PDE1C: variants seen among roughly 807,000 people sequenced by gnomAD.
PDE1C encodes dual specificity calcium/calmodulin-dependent 3',5'-cyclic nucleotide phosphodiesterase 1C.
PDE1C carries 62 observed loss-of-function variants against 93.1 expected under a neutral mutation model. That is an observed-to-expected ratio of 0.67 (90% confidence interval 0.54 to 0.82). PDE1C has a LOEUF of 0.82. Among genes scored for constraint, PDE1C ranks in the 40% least tolerant of loss-of-function variants. The pLI, the probability that PDE1C is intolerant of heterozygous loss-of-function variation, is 0.00. For synonymous variants in PDE1C, 325 were observed against 310.1 expected (o/e 1.05, Z -0.50); for missense variants, 742 against 884.6 (o/e 0.84, Z 2.04).
intron 6 of PDE1C, among the ~76,000 whole-genome samples, chr7:31,865,711 A>G (rs1795210233): frequency 6.6e-6 from 1 of 152,050 alleles, no homozygotes; most frequent in Admixed American, 6.5e-5. Context: ...AGACTATCGC[A>G]TTTTGGTTTT....
chr7:31,949,701 T>C (rs6970471), intron 2 of PDE1C, among the ~76,000 whole-genome samples: 25,257 of 152,108 alleles, frequency 0.17, 3,665 homozygotes, highest in African/African-American at 0.4. Context: ...TGAGAGCTTT[T>C]GAATGTTTTA....
chr7:32,008,182 G>C (rs1786533679), intron 2 of PDE1C, among the ~76,000 whole-genome samples: 1 of 152,106 alleles, frequency 6.6e-6, no homozygotes, highest in African/African-American at 2.4e-5. Context: ...GGATGATCTA[G>C]TGGCATTTGC....
chr7:31,920,453 G>C (rs1043976844), intron 2 of PDE1C, among the ~76,000 whole-genome samples: 1 of 152,132 alleles, frequency 6.6e-6, no homozygotes, highest in African/African-American at 2.4e-5. Context: ...GCTCTTCATG[G>C]GGTGAGGTTG....
At chr7:32,412,182 C>T (rs183830352) in intron 1 of PDE1C, among the ~76,000 whole-genome samples, 198 of 152,192 alleles carry the variant, frequency 1.3e-3, no homozygotes, top group African/African-American at 4.6e-3. Context: ...CGGCTGGGCG[C>T]GGTGGCTCAT....
chr7:31,906,479 C>G (rs1482560522), intron 2 of PDE1C, among the ~76,000 whole-genome samples: 1 of 144,802 alleles, frequency 6.9e-6, no homozygotes, highest in Non-Finnish European at 1.5e-5. Flanking sequence ...GGTACATTTC[C>G]TTTGGGTTGG....
Position 32,237,551 on chromosome 7 carries a change from AT to A in PDE1C, c.86-28013del, listed in dbSNP as rs1808199278. Reference sequence around the variant, plus strand: ...AAACTTACTGAACTGTATGCCAAAAATAATTCTACATTAATTTAAAAAATAA... The same window carrying A: ...AAACTTACTGAACTGTATGCCAAAAAAATTCTACATTAATTTAAAAAATAA... On this transcript the variant is annotated intron_variant, in intron 1 of 18. Coordinates refer to the PDE1C transcript ENST00000396193. Among the ~76,000 whole-genome samples, 5 of 151,672 alleles carry A rather than the reference AT, an allele frequency of 3.3e-5. 1 individual carries two copies. The Middle Eastern group carries it at 0.017, about 516-fold the overall frequency.
At chr7:31,665,152 T>G in the PDE1C span, among the ~76,000 whole-genome samples, 4 of 152,202 alleles carry the variant, frequency 2.6e-5, no homozygotes, top group Non-Finnish European at 5.9e-5. Flanking sequence ...TTAAAGCTCA[T>G]TCTCCTGCCA....
rs1562659952 is a variant in PDE1C at position 32,297,983 on chromosome 7, CTCTCTCTCTCTCTCCT to C, written c.85+652_85+667del. 6.0e-5 allele frequency among the ~76,000 whole-genome samples: 4 copies of C among 66,408 alleles called. No individual in the cohort carries two copies. The East Asian group carries it at 3.5e-3, about 58-fold the overall frequency. The allele number at this position is 66,408 out of a possible 152,430, so 43.6% of individuals were successfully genotyped here. On this transcript the variant is annotated intron_variant, in intron 1 of 18. Coordinates refer to the PDE1C transcript ENST00000396193. ...TCTCTCTCTCTCTCTCTCTCTCTCT[CTCTCTCTCTCTCTCCT>C]CTCTCTCTCTCTCTCTCCCTCTCTC...
At chr7:32,010,792 C>T (rs1221268404) in intron 2 of PDE1C, among the ~76,000 whole-genome samples, 1 of 152,190 alleles carries the variant, frequency 6.6e-6, no homozygotes, top group Non-Finnish European at 1.5e-5. Flanking sequence ...TCACATCAGT[C>T]TTCCCTCTGC....
At chr7:32,190,159 T>G (rs1804140358) in intron 2 of PDE1C, among the ~76,000 whole-genome samples, 1 of 152,232 alleles carries the variant, frequency 6.6e-6, no homozygotes, top group African/African-American at 2.4e-5. Context: ...ATTAGGCAAT[T>G]ATTTCATGGG....
intron 2 of PDE1C, among the ~76,000 whole-genome samples, chr7:32,193,916 GTTTTT>G: frequency 8.7e-6 from 1 of 115,266 alleles, no homozygotes; most frequent in African/African-American, 3.4e-5. Flanking sequence ...GTTTTGTTTT[GTTTTT>G]TTTTTTTTTT....
At chr7:31,873,253 T>C (rs1201912627) in intron 6 of PDE1C, 39 bp downstream of exon 6, 3 of 1,174,506 alleles carry the variant, frequency 2.6e-6, no homozygotes, top group Admixed American at 3.6e-5. Context: ...AACATATGCA[T>C]GTAGTTTATT....
chr7:32,110,561 A>T (rs540768538), intron 3 of PDE1C, among the ~76,000 whole-genome samples: 7 of 152,318 alleles, frequency 4.6e-5, no homozygotes, highest in South Asian at 4.2e-4. Flanking sequence ...ATGAATCATC[A>T]TCCCTCAAGA....
At chr7:32,054,007 G>A (rs1035192461) in intron 1 of PDE1C, among the ~76,000 whole-genome samples, 4 of 151,946 alleles carry the variant, frequency 2.6e-5, no homozygotes, top group African/African-American at 7.3e-5. Flanking sequence ...ATGCCTCATG[G>A]TCTCAAACCA....
chr7:32,237,021 T>A (rs188427637), intron 1 of PDE1C, among the ~76,000 whole-genome samples: 23 of 150,966 alleles, frequency 1.5e-4, no homozygotes, highest in African/African-American at 5.3e-4. Context: ...GGCATTATTC[T>A]GAGTCAAAAA....
At chr7:32,182,513 G>A (rs1016716309) in intron 2 of PDE1C, among the ~76,000 whole-genome samples, 14 of 152,252 alleles carry the variant, frequency 9.2e-5, no homozygotes, top group Admixed American at 5.2e-4. Flanking sequence ...ATCAATAAAC[G>A]TAATCCAGCA....
chr7:32,047,260 C>T (rs946612204), intron 2 of PDE1C, among the ~76,000 whole-genome samples: 2 of 152,064 alleles, frequency 1.3e-5, no homozygotes, highest in Admixed American at 6.6e-5. Context: ...TAAAAGAAAC[C>T]GGATGAGACA....
intron 2 of PDE1C, among the ~76,000 whole-genome samples, chr7:31,927,913 G>A (rs374891429): frequency 6.6e-6 from 1 of 152,010 alleles, no homozygotes; most frequent in East Asian, 1.9e-4. Context: ...TCTCCAACAA[G>A]GGCACACAAC....
In PDE1C at chr7:32,115,972, T is replaced by C. The variant is rs184541201; in HGVS notation, c.308+53813A>G. ...AGAGACCAAGATGGCAGGGAAAAAATGGCATGGGTGAAAGAGGTCTACTCA... is the reference window on the plus strand; with the variant it reads ...AGAGACCAAGATGGCAGGGAAAAAACGGCATGGGTGAAAGAGGTCTACTCA... On this transcript the variant is annotated intron_variant, in intron 3 of 18. Coordinates refer to the PDE1C transcript ENST00000396193. 1.4e-3 allele frequency among the ~76,000 whole-genome samples: 212 copies of C among 152,092 alleles called. 1 individual carries two copies. The highest frequency in any genetic ancestry group is 4.8e-3 in the African/African-American group (198 of 41,494).
Sources: allele counts gnomAD v4.1 joint callset (sites outside exome capture counted in the v4.1 genomes callset), GRCh38; gene constraint gnomAD v4.1.1; transcripts MANE v1.5; gene names NCBI Gene and HGNC (gene_info 2026-07-23, HGNC 2026-07-21).